Variants in CNTN4 observed in about 807,000 individuals in gnomAD.
CNTN4 encodes contactin-4.
In CNTN4, 77 loss-of-function variants were observed where a neutral mutation model predicts 122.5. The observed-to-expected ratio is 0.63, with a 90% CI of 0.52 to 0.76. The LOEUF is 0.76. Ranked by LOEUF, CNTN4 falls within the 30% of genes least tolerant of loss-of-function variation. The pLI is 0.00. For synonymous variants in CNTN4, 512 were observed against 447.0 expected (o/e 1.15, Z -1.83); for missense variants, 1,256 against 1,259.1 (o/e 1.00, Z 0.04).
chr3:2,992,732 G>A (rs887611953), intron 14 of CNTN4, among the ~76,000 whole-genome samples: 4 of 152,154 alleles, frequency 2.6e-5, no homozygotes, highest in African/African-American at 9.7e-5. Flanking sequence ...AGTATGCTGT[G>A]GATGCTGTTA....
At chr3:2,814,785 G>A (rs1023766133) in intron 6 of CNTN4, among the ~76,000 whole-genome samples, 8 of 152,188 alleles carry the variant, frequency 5.3e-5, no homozygotes, top group Admixed American at 2.0e-4. Context: ...TCCTAGGCAC[G>A]TGAAGAAGGT....
chr3:2,632,261 A>C (rs940214222), intron 4 of CNTN4, among the ~76,000 whole-genome samples: 4 of 152,210 alleles, frequency 2.6e-5, no homozygotes, highest in African/African-American at 9.6e-5. Flanking sequence ...ATTTCTAAAA[A>C]CTGTGCATAG....
chr3:3,003,164 C>T (rs1036703042), intron 14 of CNTN4, among the ~76,000 whole-genome samples: 6 of 152,086 alleles, frequency 3.9e-5, no homozygotes, highest in Non-Finnish European at 8.8e-5. Context: ...ATATTGATTC[C>T]AAGGTGGTGC....
intron 2 of CNTN4, among the ~76,000 whole-genome samples, chr3:2,212,076 C>T (rs1161059920): frequency 1.3e-5 from 2 of 152,074 alleles, no homozygotes; most frequent in African/African-American, 4.8e-5. Flanking sequence ...TGGGCTCAAG[C>T]AATCCTTCTA....
At chr3:2,694,252 C>G (rs2085897035) in intron 4 of CNTN4, among the ~76,000 whole-genome samples, 1 of 152,178 alleles carries the variant, frequency 6.6e-6, no homozygotes, top group East Asian at 1.9e-4. Context: ...AAGCCAAACA[C>G]AGCTGTTTTG....
At chr3:3,040,364 A>C in intron 20 of CNTN4, 93 bp downstream of exon 20, 1 of 965,894 alleles carries the variant, frequency 1.0e-6, no homozygotes, top group South Asian at 1.3e-5. Flanking sequence ...CGCATGGTAC[A>C]TGTATCTTGA....
At chr3:2,632,933 T>C (rs990170257) in intron 4 of CNTN4, among the ~76,000 whole-genome samples, 5 of 150,848 alleles carry the variant, frequency 3.3e-5, no homozygotes, top group African/African-American at 4.9e-5. Flanking sequence ...TTAAGAAATG[T>C]TGATTGAAAA....
intron 14 of CNTN4, among the ~76,000 whole-genome samples, chr3:3,003,230 T>C (rs74993929): frequency 1.3e-5 from 2 of 152,324 alleles, no homozygotes; most frequent in East Asian, 3.9e-4. Context: ...TTGTTTTAGA[T>C]ACTGACTTTA....
chr3:2,851,787 A>G (rs2093554764), intron 7 of CNTN4, among the ~76,000 whole-genome samples: 1 of 152,234 alleles, frequency 6.6e-6, no homozygotes, highest in African/African-American at 2.4e-5. Context: ...AAAAGAAAAG[A>G]TCATCAGGTA....
At chr3:2,662,751 A>G (rs2083960919) in intron 4 of CNTN4, among the ~76,000 whole-genome samples, 1 of 152,184 alleles carries the variant, frequency 6.6e-6, no homozygotes, top group African/African-American at 2.4e-5. Context: ...TTGACACCCT[A>G]CGAAAAGTAT....
At chr3:2,208,877 G>T (rs561548939) in intron 2 of CNTN4, among the ~76,000 whole-genome samples, 266 of 152,262 alleles carry the variant, frequency 1.7e-3, no homozygotes, top group Non-Finnish European at 2.8e-3. Flanking sequence ...ATGTTTAAAT[G>T]AAATATGTAC....
At chr3:2,967,760 G>A (rs1692475205) in intron 13 of CNTN4, among the ~76,000 whole-genome samples, 1 of 151,844 alleles carries the variant, frequency 6.6e-6, no homozygotes, top group Non-Finnish European at 1.5e-5. Context: ...AGTAGAAACT[G>A]GTGTGTATAT....
In CNTN4 at chr3:2,263,612, AT is replaced by A. The variant is rs529276995; in HGVS notation, c.-144-75560del. ...GGGATACCTATTACCTCAAACATTT[AT>A]TTTTTCTTTGTGTTGGGAATACTGC... is the stretch of plus-strand genomic sequence containing the variant. On this transcript the variant is annotated intron_variant, in intron 2 of 24. Transcript: ENST00000418658. Among the ~76,000 whole-genome samples, 118 of 152,154 alleles carry A rather than the reference AT, an allele frequency of 7.8e-4. 1 individual carries two copies. Among genetic ancestry groups the A allele is most frequent in the South Asian group, 3.5e-3 (17 of 4,820 alleles).
intron 3 of CNTN4, among the ~76,000 whole-genome samples, chr3:2,394,450 T>G (rs6787193): frequency 0.19 from 28,986 of 152,142 alleles, 3,493 homozygotes; most frequent in Middle Eastern, 0.29. Context: ...CTATACCACA[T>G]ACCAATGTAC....
At chr3:3,010,225 ATAG>A (rs956272831) in intron 14 of CNTN4, among the ~76,000 whole-genome samples, 1 of 151,910 alleles carries the variant, frequency 6.6e-6, no homozygotes, top group African/African-American at 2.4e-5. Context: ...GGGAGAGCAA[ATAG>A]GGACCTAATT....
intron 2 of CNTN4, among the ~76,000 whole-genome samples, chr3:2,222,678 C>A (rs2039108067): frequency 6.6e-6 from 1 of 151,880 alleles, no homozygotes; most frequent in South Asian, 2.1e-4. Context: ...AACACACACC[C>A]CAGGGTACCA....
chr3:2,569,429 C>T (rs1259413764), intron 3 of CNTN4, among the ~76,000 whole-genome samples: 1 of 152,062 alleles, frequency 6.6e-6, no homozygotes, highest in Non-Finnish European at 1.5e-5. Context: ...TTATTTTCAG[C>T]TTAAAAATAT....
chr3:2,163,315 G>T (rs2149188515), intron 2 of CNTN4, among the ~76,000 whole-genome samples: 2 of 152,178 alleles, frequency 1.3e-5, no homozygotes, highest in Middle Eastern at 6.8e-3. Flanking sequence ...GAAGAATGAA[G>T]CTGTGTCCTC....
intron 4 of CNTN4, among the ~76,000 whole-genome samples, chr3:2,668,836 A>G (rs1390391566): frequency 1.3e-5 from 2 of 152,084 alleles, no homozygotes; most frequent in Non-Finnish European, 2.9e-5. Context: ...CCTTTTCTGC[A>G]TCTGTTGAGA....
Sources: gnomAD v4.1 joint callset for allele counts (sites outside exome capture counted in the v4.1 genomes callset) on GRCh38, gnomAD v4.1.1 for gene constraint, MANE v1.5 for transcripts, NCBI Gene and HGNC (gene_info 2026-07-23, HGNC 2026-07-21) for gene names.